The following TTN variants were observed in gnomAD, a reference collection of about 807,000 sequenced individuals.
TTN encodes connectin.
A neutral mutation model predicts 3,223.0 loss-of-function variants in TTN; 1,525 were observed. The observed-to-expected ratio is 0.47, with a 90% CI of 0.45 to 0.49. The LOEUF (loss-of-function observed/expected upper bound fraction) is 0.49, where lower values mean the gene tolerates loss of function less well. TTN is among the 20% of genes least tolerant of loss of function. The pLI is 0.00. For missense variants in TTN, 40,786 were observed against 43,424.0 expected (o/e 0.94, Z 5.40); for synonymous variants, 14,094 against 15,161.0 (o/e 0.93, Z 5.17).
At chr2:178,706,806 T>C in intron 101 of TTN, 56 bp downstream of exon 101, 1 of 1,597,540 alleles carries the variant, frequency 6.3e-7, no homozygotes, top group Non-Finnish European at 8.5e-7. Context: ...CAAAATTAAA[T>C]CATAAGTAAA....
chr2:178,623,167 A>G (rs2058554111), intron 242 of TTN, among the ~76,000 whole-genome samples: 1 of 152,056 alleles, frequency 6.6e-6, no homozygotes, highest in South Asian at 2.1e-4. Context: ...ACTTAGCACA[A>G]TCTTTGAGAA....
rs1342855861 is a variant in TTN, at chr2:178,718,783, C to T, written c.24417G>A (p.Glu8139=). ...AGTCTCCACTTTCTAATGGCTGCAC[C>T]TCAAACAACTCCAGTTCTGTGACAA... The part of the protein sequence containing the change: ...EDFVTELELF[E]VQPLESGDYS... Residue 8139 remains glutamate (E), a synonymous_variant, in exon 84 of 363, where the codon GAG becomes GAA. Transcript: ENST00000589042. 2 of 1,613,618 alleles carry T rather than the reference C, an allele frequency of 1.2e-6. No homozygotes were observed. Among genetic ancestry groups the T allele is most frequent in the Non-Finnish European group, 1.7e-6 (2 of 1,179,762 alleles).
rs1167493683 is a variant in TTN at position 178,707,525 on chromosome 2, C to G, written c.29041+1G>C. The G allele has an allele frequency of 6.2e-7, 1 of 1,611,670 alleles. No individual in the cohort carries two copies. The highest frequency in any genetic ancestry group is 2.2e-5 in the East Asian group (1 of 44,852). ...GCATAATACTTTTGAGGTGTCTGTA[C>G]CTTTAATGGTCACTTTTGATTTGGT... On this transcript the variant is annotated splice_donor_variant, in intron 100 of 362. Transcript: ENST00000589042. LOFTEE classifies it high-confidence loss of function.
At position 178,531,130 on chromosome 2, in the gene TTN, C is replaced by G. The variant is rs886042795; in HGVS notation, c.105485G>C (p.Trp35162Ser). Residue 35162 changes from tryptophan (W) to serine (S), a missense_variant, in exon 358 of 363, where the codon TGG (tryptophan) becomes TCG (serine). By Grantham distance (177) the Trp-to-Ser change is radical. Coordinates refer to ENST00000589042, the MANE Select transcript of TTN (RefSeq NM_001267550.2). ...ACTTAGCACTTGTCCTTTACGCAGC[C>G]AGGTCACAGTTGGTACCGGCTCACC... is the stretch of plus-strand genomic sequence containing the variant. ...TDGEPVPTVT[W>S]LRKGQVLSTS... 1 of 1,613,836 alleles carries G rather than the reference C, an allele frequency of 6.2e-7. No individual in the cohort carries two copies. Among genetic ancestry groups the G allele is most frequent in the Non-Finnish European group, 8.5e-7 (1 of 1,179,886 alleles).
At position 178,632,332 on chromosome 2, in the gene TTN, G is replaced by C. The variant is rs1326450347; in HGVS notation, c.43562C>G (p.Ser14521Cys). Residue 14521 changes from serine to cysteine, a missense_variant, in exon 236 of 363, where the codon TCT (serine) becomes TGT (cysteine). Coordinates refer to ENST00000589042, the MANE Select transcript of TTN (RefSeq NM_001267550.2). Reference sequence around the variant, plus strand: ...CCATTTAACTCGGATGTTATCATGAGATAACTCCACAGTAAATACAGCACT... The same window carrying C: ...CCATTTAACTCGGATGTTATCATGACATAACTCCACAGTAAATACAGCACT... ...KESAVFTVEL[S>C]HDNIRVKWFK... 1 of 1,606,610 alleles carries C rather than the reference G, an allele frequency of 6.2e-7. No homozygotes were observed. Among genetic ancestry groups the C allele is most frequent in the Non-Finnish European group, 8.5e-7 (1 of 1,176,300 alleles).
At chr2:178,663,147 A>G (rs2065069605) in intron 173 of TTN, 92 bp from the exon 174 acceptor site, 1 of 1,609,032 alleles carries the variant, frequency 6.2e-7, no homozygotes, top group Non-Finnish European at 8.5e-7. Flanking sequence ...TTGGATAGCG[A>G]TTGACATTTG....
chr2:178,562,350 C>A lies in TTN; in HGVS notation c.83782G>T (p.Ala27928Ser), dbSNP rs1703988873. 3.1e-6 allele frequency: 5 copies of A among 1,610,518 alleles called. No individual in the cohort carries two copies. The East Asian group carries it at 1.1e-4, about 36-fold the overall frequency. The change falls in exon 326 of 363, where the codon GCA becomes TCA. Residue 27928 changes from alanine to serine, a missense_variant. By Grantham distance (99) the Ala-to-Ser change is moderately conservative. Coordinates refer to ENST00000589042, the MANE Select transcript of TTN (RefSeq NM_001267550.2). The stretch of plus-strand genomic sequence containing the variant: ...ACCCTGAAGACATACTCTTCTCCTG[C>A]AGTTAAGCCAGATATAGTTGCTTCT... ...TLEATISGLTAGEEYVFRVAA... is the reference protein window; with the variant it reads ...TLEATISGLTSGEEYVFRVAA...
At chr2:178,750,546 A>G in intron 47 of TTN, 1 of 1,612,508 alleles carries the variant, frequency 6.2e-7, no homozygotes, top group Non-Finnish European at 8.5e-7. Flanking sequence ...ACTTCTTGAG[A>G]TTCAATTTCT....
chr2:178,714,658 CTA>C (rs2077190893), intron 90 of TTN, 85 bp from the exon 91 acceptor site: 2 of 1,396,212 alleles, frequency 1.4e-6, no homozygotes, highest in African/African-American at 2.9e-5. Flanking sequence ...GGGAATCAAA[CTA>C]GTGATAATGT....
intron 169 of TTN, 48 bp downstream of exon 169, chr2:178,663,965 CAA>C: frequency 6.2e-7 from 1 of 1,612,350 alleles, no homozygotes; most frequent in Non-Finnish European, 8.5e-7. Flanking sequence ...AAAATATTGT[CAA>C]GAGCAGAAGA....
rs371757623 is a variant in TTN at position 178,782,910 on chromosome 2, C to A, written c.2996G>T (p.Arg999Leu). 2 of 1,614,080 alleles carry A rather than the reference C, an allele frequency of 1.2e-6. No homozygotes were observed. The highest frequency in any genetic ancestry group is 1.3e-5 in the African/African-American group (1 of 75,032). ...CGCAAATGCTTCGCGAATCATAAGA[C>A]GAGCAATTCCACTCTGGAAGGTTAT... The part of the protein sequence containing the change: ...FQITFQSGIA[R>L]LMIREAFAED... Residue 999 changes from arginine (R) to leucine (L), a missense_variant, in exon 18 of 363, where the codon CGT becomes CTT. Transcript: ENST00000589042.
In TTN at chr2:178,571,437, G is replaced by T. The variant is rs1335200909; in HGVS notation, c.74695C>A (p.Pro24899Thr). 1.9e-6 allele frequency: 3 copies of T among 1,613,392 alleles called. No individual in the cohort carries two copies. In the Admixed American group the frequency reaches 5.0e-5, roughly 27 times the overall value. Reference sequence around the variant, plus strand: ...TTGAATGGATATTGGGCTACAGTAGGCTCTGAATTGAGGTAGGTACTCTTC... The same window carrying T: ...TTGAATGGATATTGGGCTACAGTAGTCTCTGAATTGAGGTAGGTACTCTTC... ...YGKSTYLNSEPTVAQYPFKVP... is the reference protein window; with the variant it reads ...YGKSTYLNSETTVAQYPFKVP... The change falls in exon 326 of 363, where the codon CCT (proline) becomes ACT (threonine). Residue 24899 changes from proline (P) to threonine (T), a missense_variant. Physicochemically the swap from Pro to Thr is conservative, Grantham distance 38 (BLOSUM62 -1). Coordinates refer to ENST00000589042, the MANE Select transcript of TTN (RefSeq NM_001267550.2).
intron 336 of TTN, chr2:178,550,758 A>G (rs926216100): frequency 1.4e-5 from 8 of 574,190 alleles, no homozygotes; most frequent in African/African-American, 1.3e-4. Context: ...CATGCTCTTT[A>G]TATGGGAATG....
chr2:178,751,056 G>A (rs776336433), intron 47 of TTN: 1 of 1,612,668 alleles, frequency 6.2e-7, no homozygotes. Flanking sequence ...TCTATATTTT[G>A]ATCCATTTGA....
At chr2:178,736,640 A>G (rs1216427812) in intron 49 of TTN, among the ~76,000 whole-genome samples, 2 of 152,182 alleles carry the variant, frequency 1.3e-5, no homozygotes, top group African/African-American at 4.8e-5. Context: ...TTGAAGCCAG[A>G]CTTTCAGAAC....
chr2:178,632,708 C>T lies in TTN; in HGVS notation c.43298G>A (p.Arg14433Lys), dbSNP rs914023000. 5.0e-6 allele frequency: 8 copies of T among 1,613,352 alleles called. No individual in the cohort carries two copies. The highest frequency in any genetic ancestry group is 6.8e-6 in the Non-Finnish European group (8 of 1,179,544). The part of the protein sequence containing the change: ...DEAKFECEVS[R>K]EPKTFRWLKG... The stretch of plus-strand genomic sequence containing the variant: ...TAGCCAACGGAATGTTTTGGGCTCC[C>T]TGGATACTTCACACTCAAACTTAGC... Residue 14433 changes from arginine to lysine, a missense_variant, in exon 235 of 363, where the codon AGG (arginine) becomes AAG (lysine). Physicochemically the swap from Arg to Lys is conservative, Grantham distance 26 (BLOSUM62 2). Transcript: ENST00000589042.
chr2:178,577,932 AC>A, intron 322 of TTN, 34 bp from the exon 323 acceptor site: 1 of 1,589,654 alleles, frequency 6.3e-7, no homozygotes, highest in African/African-American at 1.4e-5. Flanking sequence ...TCAAACAAAT[AC>A]CAGTTTTCTT....
rs1306544071 is a variant in TTN at position 178,592,824 on chromosome 2, T to C, written c.59295A>G (p.Glu19765=). ...GCTCCGGAACATGAGCTGGATCTGA[T>C]TCACCAGCTGCATTGACTGCTAACA... ...FRVLAVNAAG[E]SDPAHVPEPV... The change falls in exon 300 of 363, where the codon GAA becomes GAG. Residue 19765 remains glutamate (E), a synonymous_variant. Coordinates refer to ENST00000589042, the MANE Select transcript of TTN (RefSeq NM_001267550.2). The C allele has an allele frequency of 1.2e-6, 2 of 1,613,412 alleles. No homozygotes were observed. The highest frequency in any genetic ancestry group is 1.7e-6 in the Non-Finnish European group (2 of 1,179,636).
At chr2:178,688,635 A>T (rs563950060) in intron 126 of TTN, 42 bp downstream of exon 126, 2 of 1,330,168 alleles carry the variant, frequency 1.5e-6, no homozygotes, top group African/African-American at 1.4e-5. Flanking sequence ...CTTTGAGGAA[A>T]CACACACAAA....
Sources: gnomAD v4.1 joint callset for allele counts (sites outside exome capture counted in the v4.1 genomes callset) on GRCh38, gnomAD v4.1.1 for gene constraint, MANE v1.5 for transcripts, NCBI Gene and HGNC (gene_info 2026-07-23, HGNC 2026-07-21) for gene names.